The following HMGCLL1 variants were observed in gnomAD, a reference collection of about 807,000 sequenced individuals.
The protein encoded by HMGCLL1 is 3-hydroxymethyl-3-methylglutaryl-CoA lyase, cytoplasmic.
In HMGCLL1, 36 loss-of-function variants were observed where a neutral mutation model predicts 39.1. That is an observed-to-expected ratio of 0.92 (90% CI 0.71 to 1.22). The LOEUF (loss-of-function observed/expected upper bound fraction) is 1.22, where lower values mean the gene tolerates loss of function less well. Ranked by LOEUF, HMGCLL1 falls within the 50% of genes most tolerant of loss-of-function variation. HMGCLL1 has a pLI of 0.00. For missense variants in HMGCLL1, 451 were observed against 416.5 expected, an observed-to-expected ratio of 1.08 and a Z score of -0.72; for synonymous variants, 149 against 144.0, an observed-to-expected ratio of 1.03 and a Z score of -0.25.
intron 7 of HMGCLL1, among the ~76,000 whole-genome samples, chr6:55,467,429 C>T (rs1396989298): frequency 6.6e-6 from 1 of 152,034 alleles, no homozygotes; most frequent in Non-Finnish European, 1.5e-5. Context: ...TTCATTTCTG[C>T]TCCACTTTAT....
At chr6:55,676,793 T>C in the HMGCLL1 span, among the ~76,000 whole-genome samples, 2 of 152,228 alleles carry the variant, frequency 1.3e-5, no homozygotes, top group Non-Finnish European at 2.9e-5. Context: ...GTTTTAAGAA[T>C]AAAAAGAGTG....
intron 7 of HMGCLL1, among the ~76,000 whole-genome samples, chr6:55,486,045 CAAGTT>C (rs930904120): frequency 4.7e-5 from 7 of 150,314 alleles, no homozygotes; most frequent in Non-Finnish European, 8.9e-5. Flanking sequence ...AACATACACA[CAAGTT>C]AAGGGTAGGC....
chr6:55,450,191 T>C (rs552223543), intron 7 of HMGCLL1, among the ~76,000 whole-genome samples: 138 of 152,268 alleles, frequency 9.1e-4, no homozygotes, highest in African/African-American at 3.2e-3. Context: ...CATACCACAG[T>C]GATGAGTGCA....
intron 7 of HMGCLL1, among the ~76,000 whole-genome samples, chr6:55,486,785 G>T (rs1766054786): frequency 6.6e-6 from 1 of 152,084 alleles, no homozygotes; most frequent in African/African-American, 2.4e-5. Context: ...CATAAGCAGG[G>T]TGGTTTATAA....
the HMGCLL1 span, among the ~76,000 whole-genome samples, chr6:55,631,349 G>A: frequency 6.6e-6 from 1 of 151,834 alleles, no homozygotes; most frequent in Non-Finnish European, 1.5e-5. Context: ...CTGAAGGGTG[G>A]GTGGTAGGCA....
the HMGCLL1 span, among the ~76,000 whole-genome samples, chr6:55,632,190 G>A: frequency 3.3e-5 from 5 of 152,002 alleles, no homozygotes; most frequent in South Asian, 2.1e-4. Flanking sequence ...TAAAACAGCT[G>A]CAGAACCATT....
At chr6:55,528,200 G>T (rs893994003) in intron 3 of HMGCLL1, among the ~76,000 whole-genome samples, 1 of 152,004 alleles carries the variant, frequency 6.6e-6, no homozygotes, top group African/African-American at 2.4e-5. Flanking sequence ...CCAGTAGCTG[G>T]ATTAGACATA....
the HMGCLL1 span, among the ~76,000 whole-genome samples, chr6:55,641,575 A>T: frequency 3.9e-5 from 6 of 152,134 alleles, no homozygotes; most frequent in Non-Finnish European, 8.8e-5. Context: ...ACCCTAGGAA[A>T]ACAGAATTGG....
the HMGCLL1 span, among the ~76,000 whole-genome samples, chr6:55,676,421 C>A: frequency 6.6e-6 from 1 of 152,158 alleles, no homozygotes; most frequent in Non-Finnish European, 1.5e-5. Flanking sequence ...AATTTTAACA[C>A]TATATTGCCT....
At chr6:55,537,895 G>A (rs1400499032) in intron 3 of HMGCLL1, among the ~76,000 whole-genome samples, 3 of 152,108 alleles carry the variant, frequency 2.0e-5, no homozygotes, top group Non-Finnish European at 4.4e-5. Context: ...AACTCAACTT[G>A]GGAACAAACC....
At chr6:55,458,727 A>T (rs9464249) in intron 7 of HMGCLL1, among the ~76,000 whole-genome samples, 12,235 of 152,228 alleles carry the variant, frequency 0.08, 550 homozygotes, top group African/African-American at 0.12. Flanking sequence ...AGTGAATCAC[A>T]TTGCAATCCC....
At chr6:55,626,833 G>C in the HMGCLL1 span, among the ~76,000 whole-genome samples, 1 of 151,976 alleles carries the variant, frequency 6.6e-6, no homozygotes, top group African/African-American at 2.4e-5. Flanking sequence ...CACAGTGTTG[G>C]CTGGGGTGAT....
intron 1 of HMGCLL1, among the ~76,000 whole-genome samples, chr6:55,548,037 C>T (rs895321220): frequency 1.3e-5 from 2 of 151,908 alleles, no homozygotes; most frequent in South Asian, 4.1e-4. Flanking sequence ...GATTCACAGG[C>T]AATCTTTGGC....
At chr6:55,515,383 T>G (rs1767683094) in intron 4 of HMGCLL1, among the ~76,000 whole-genome samples, 2 of 152,136 alleles carry the variant, frequency 1.3e-5, no homozygotes, top group Admixed American at 1.3e-4. Flanking sequence ...AAATAAAAAC[T>G]CTATTAGTGA....
chr6:55,674,635 C>T, the HMGCLL1 span, among the ~76,000 whole-genome samples: 4 of 152,076 alleles, frequency 2.6e-5, no homozygotes, highest in South Asian at 2.1e-4. Context: ...TATGAGTCTA[C>T]GCTTCCTAAT....
intron 7 of HMGCLL1, among the ~76,000 whole-genome samples, chr6:55,476,392 T>C (rs375395078): frequency 1.3e-5 from 2 of 151,772 alleles, no homozygotes; most frequent in South Asian, 2.1e-4. Context: ...ACAGTACCAG[T>C]AATTTTTATA....
At chr6:55,447,148 C>T (rs1451035101) in intron 7 of HMGCLL1, among the ~76,000 whole-genome samples, 1 of 151,878 alleles carries the variant, frequency 6.6e-6, no homozygotes, top group East Asian at 1.9e-4. Context: ...AGTGGCCACG[C>T]TTATTTCCAA....
At chr6:55,658,023 A>AT in the HMGCLL1 span, among the ~76,000 whole-genome samples, 1 of 151,882 alleles carries the variant, frequency 6.6e-6, no homozygotes, top group East Asian at 1.9e-4. Flanking sequence ...AAGTTTACTT[A>AT]TTTAACAAGC....
intron 4 of HMGCLL1, among the ~76,000 whole-genome samples, chr6:55,516,092 C>T (rs1410174517): frequency 6.6e-6 from 1 of 151,590 alleles, no homozygotes; most frequent in Non-Finnish European, 1.5e-5. Context: ...AGCTTTTCAC[C>T]CAGAGGGAGA....
Sources: allele counts gnomAD v4.1 joint callset (sites outside exome capture counted in the v4.1 genomes callset), GRCh38; gene constraint gnomAD v4.1.1; transcripts MANE v1.5; gene names NCBI Gene and HGNC (gene_info 2026-07-23, HGNC 2026-07-21).